The following SHANK2 variants were observed in gnomAD, a reference collection of about 807,000 sequenced individuals.
SHANK2 encodes the protein SH3 and multiple ankyrin repeat domains 2.
Under a neutral mutation model 133.7 loss-of-function variants are expected in SHANK2, and 43 were observed. That is an observed-to-expected ratio of 0.32 (90% CI 0.25 to 0.41). The LOEUF (loss-of-function observed/expected upper bound fraction) is 0.41. Among genes scored for constraint, SHANK2 ranks in the 10% least tolerant of loss-of-function variants. SHANK2 has a pLI of 1.00. For missense variants in SHANK2, 1,994 were observed against 2,235.8 expected, an observed-to-expected ratio of 0.89 and a Z score of 2.18; for synonymous variants, 1,017 against 952.8, an observed-to-expected ratio of 1.07 and a Z score of -1.24.
At chr11:70,684,690 C>T (rs1369483436) in intron 15 of SHANK2, among the ~76,000 whole-genome samples, 2 of 151,794 alleles carry the variant, frequency 1.3e-5, no homozygotes, top group East Asian at 3.9e-4. Context: ...CAGGTAAACC[C>T]TTGGCCCCTG....
chr11:70,497,055 G>A lies in SHANK2; in HGVS notation c.2308+3515C>T, dbSNP rs111834880. ...CTAGAGCATGTGAGAGCAGCCGGGCGTGTTGGGGTGGTAGGGTCAGGGGCT... is the reference window on the plus strand; with the variant it reads ...CTAGAGCATGTGAGAGCAGCCGGGCATGTTGGGGTGGTAGGGTCAGGGGCT... On this transcript the variant is annotated intron_variant, in intron 21 of 25. Coordinates refer to ENST00000601538, the MANE Select transcript of SHANK2 (RefSeq NM_012309.5). 2,738 of 456,580 alleles carry A rather than the reference G, an allele frequency of 6.0e-3. 58 individuals carry two copies. The highest frequency in any genetic ancestry group is 0.047 in the African/African-American group (2,353 of 50,202). 28.3% of individuals were successfully genotyped at this position (456,580 alleles called of 1,614,324 possible).
intron 12 of SHANK2, among the ~76,000 whole-genome samples, chr11:70,813,673 G>GAGTTCCC (rs1320111563): frequency 3.3e-5 from 5 of 152,078 alleles, no homozygotes; most frequent in African/African-American, 7.2e-5. Flanking sequence ...GCAAACGCAG[G>GAGTTCCC]AGTTCCCAAG....
chr11:70,852,840 CTCAA>C (rs1203494636), intron 11 of SHANK2, among the ~76,000 whole-genome samples: 2 of 152,230 alleles, frequency 1.3e-5, no homozygotes, highest in Non-Finnish European at 2.9e-5. Flanking sequence ...AAGACTCTGT[CTCAA>C]TCAATCAATC....
Position 71,177,037 on chromosome 11 carries a change from T to G in SHANK2, c.-12-29699A>C, listed in dbSNP as rs150456140. Among the ~76,000 whole-genome samples the G allele has an allele frequency of 2.5e-3, 374 of 152,308 alleles. 3 individuals are homozygous for G. The highest frequency in any genetic ancestry group is 8.4e-3 in the African/African-American group (351 of 41,560). On this transcript the variant is annotated intron_variant, in intron 2 of 25. Coordinates refer to ENST00000601538, the MANE Select transcript of SHANK2 (RefSeq NM_012309.5). The stretch of plus-strand genomic sequence containing the variant: ...ACAGCAGATTTCTTGATGGAAATGA[T>G]TCAAGTGAGCAGACAGTGGACTGGC...
intron 17 of SHANK2, among the ~76,000 whole-genome samples, chr11:70,616,330 A>C (rs1190155804): frequency 1.3e-5 from 2 of 151,948 alleles, no homozygotes; most frequent in East Asian, 3.9e-4. Context: ...GGGCTGTCGG[A>C]ACTGGCTCCA....
chr11:71,224,819 G>A lies in SHANK2; in HGVS notation c.-112-23C>T, dbSNP rs938784057. The A allele has an allele frequency of 2.6e-5, 4 of 152,210 alleles. No homozygotes were observed. In the South Asian group the frequency reaches 8.3e-4, roughly 31 times the overall value. The allele number at this position is 152,210 out of a possible 1,614,324, so 9.4% of individuals were successfully genotyped here. ...GACCTGTGGAGAGATAATGAGACCGGGGCATGGTCAGACACAGACTGTTGA... is the reference window on the plus strand; with the variant it reads ...GACCTGTGGAGAGATAATGAGACCGAGGCATGGTCAGACACAGACTGTTGA... On this transcript the variant is annotated intron_variant, in intron 1 of 25. Transcript: ENST00000601538.
intron 14 of SHANK2, among the ~76,000 whole-genome samples, chr11:70,722,791 A>C (rs1175391398): frequency 1.3e-5 from 2 of 152,182 alleles, no homozygotes; most frequent in Non-Finnish European, 2.9e-5. Context: ...TGGTGACTTA[A>C]CCTGGAGACT....
intron 10 of SHANK2, among the ~76,000 whole-genome samples, chr11:70,921,556 T>C (rs1436260325): frequency 1.3e-5 from 2 of 152,296 alleles, no homozygotes; most frequent in Non-Finnish European, 2.9e-5. Context: ...TGCCGAATTC[T>C]GAAATTGGGA....
intron 17 of SHANK2, among the ~76,000 whole-genome samples, chr11:70,651,085 A>C (rs1380230847): frequency 6.6e-6 from 1 of 152,224 alleles, no homozygotes; most frequent in Non-Finnish European, 1.5e-5. Context: ...GAAGAGGCAG[A>C]GCCTGGATTC....
intron 2 of SHANK2, among the ~76,000 whole-genome samples, chr11:71,178,674 T>C (rs997295834): frequency 6.7e-6 from 1 of 149,328 alleles, no homozygotes; most frequent in Admixed American, 6.7e-5. Context: ...AGTAACTGGA[T>C]ACAAAAAAGC....
intron 11 of SHANK2, among the ~76,000 whole-genome samples, chr11:70,836,136 G>A (rs782754101): frequency 1.8e-4 from 28 of 152,236 alleles, no homozygotes; most frequent in Non-Finnish European, 2.6e-4. Flanking sequence ...TTGCCCATGG[G>A]GGGCCAGGGG....
At chr11:70,705,524 G>C (rs530076677) in intron 14 of SHANK2, 11 of 152,310 alleles carry the variant, frequency 7.2e-5, no homozygotes, top group African/African-American at 2.6e-4. Flanking sequence ...CAATGGAAAT[G>C]GATCCCATTA....
intron 17 of SHANK2, among the ~76,000 whole-genome samples, chr11:70,657,616 G>T (rs1034564340): frequency 5.9e-5 from 9 of 152,162 alleles, no homozygotes; most frequent in Non-Finnish European, 8.8e-5. Context: ...CAGCCTCGTA[G>T]GGCTGTGGAG....
At chr11:70,712,934 G>A (rs1945824706) in intron 14 of SHANK2, among the ~76,000 whole-genome samples, 1 of 152,222 alleles carries the variant, frequency 6.6e-6, no homozygotes, top group South Asian at 2.1e-4. Context: ...TCCCATGTGC[G>A]CACATGTGTA....
intron 14 of SHANK2, among the ~76,000 whole-genome samples, chr11:70,726,802 T>C (rs967124236): frequency 3.3e-5 from 5 of 152,224 alleles, no homozygotes; most frequent in Non-Finnish European, 2.9e-5. Context: ...TGTGGTGCAA[T>C]TGACCAGTTC....
upstream of SHANK2, among the ~76,000 whole-genome samples, chr11:71,252,892 T>C (rs1238841070): frequency 1.3e-5 from 2 of 152,218 alleles, no homozygotes; most frequent in Admixed American, 6.5e-5. This position sits in a 1 kb window ranked among gnomAD's most constrained non-coding sequence, Gnocchi z 6.3. Flanking sequence ...AGAAAGTCCC[T>C]GATTTTTGTA....
chr11:71,082,742 AGAG>A (rs1311468911), intron 8 of SHANK2, among the ~76,000 whole-genome samples: 10 of 152,156 alleles, frequency 6.6e-5, no homozygotes, highest in African/African-American at 1.7e-4. Context: ...GAGCAGGAGG[AGAG>A]GAGAAGTCAC....
At chr11:70,748,963 C>T (rs782084534) in intron 14 of SHANK2, among the ~76,000 whole-genome samples, 11 of 151,744 alleles carry the variant, frequency 7.2e-5, no homozygotes, top group Non-Finnish European at 1.6e-4. Flanking sequence ...CAGAACACTA[C>T]ACAACAGAAA....
At chr11:71,231,542 C>T (rs1439505947) in intron 1 of SHANK2, among the ~76,000 whole-genome samples, 2 of 152,158 alleles carry the variant, frequency 1.3e-5, no homozygotes, top group Non-Finnish European at 1.5e-5. Flanking sequence ...TATGTAACTC[C>T]CATGTGACCC....
Sources: allele counts gnomAD v4.1 joint callset (sites outside exome capture counted in the v4.1 genomes callset), GRCh38; gene constraint gnomAD v4.1.1; non-coding constraint Gnocchi (gnomAD v3.1); transcripts MANE v1.5; gene names NCBI Gene and HGNC (gene_info 2026-07-23, HGNC 2026-07-21).